The following TMOD3 variants were observed in gnomAD, a reference collection of about 807,000 sequenced individuals.
TMOD3 encodes the protein tropomodulin-3.
TMOD3 carries 20 observed loss-of-function variants against 39.2 expected under a neutral mutation model. That is an observed-to-expected ratio of 0.51 (90% confidence interval 0.36 to 0.74). The LOEUF (loss-of-function observed/expected upper bound fraction) is 0.74. Among genes scored for constraint, TMOD3 ranks in the 30% least tolerant of loss-of-function variants. TMOD3 has a pLI of 0.00. For missense variants in TMOD3, 381 were observed against 412.8 expected (o/e 0.92, Z 0.67); for synonymous variants, 143 against 145.8 (o/e 0.98, Z 0.14).
intron 9 of TMOD3, among the ~76,000 whole-genome samples, chr15:51,907,485 C>G (rs1256343077): frequency 6.6e-6 from 1 of 152,178 alleles, no homozygotes; most frequent in Non-Finnish European, 1.5e-5. Flanking sequence ...ATGGTCTTAT[C>G]TATTAAAGGC....
intron 8 of TMOD3, 74 bp downstream of exon 8, chr15:51,900,372 G>C: frequency 6.5e-7 from 1 of 1,543,750 alleles, no homozygotes; most frequent in Non-Finnish European, 8.8e-7. Context: ...GACTCAGGAT[G>C]GGGATGGGAG....
chr15:51,888,922 G>T (rs2056578878), intron 4 of TMOD3, 134 bp from the exon 5 acceptor site: 1 of 590,218 alleles, frequency 1.7e-6, no homozygotes. Context: ...TAATCATTTT[G>T]TTTTCTGTGT....
rs780124953 is a variant in TMOD3 at position 51,908,778 on chromosome 15, C to A, written c.1027C>A (p.Arg343Ser). The A allele has an allele frequency of 1.9e-6, 3 of 1,605,134 alleles. No homozygotes were observed. ...AGTTTCTTTTATTTTTCTCATAGTG[C>A]GTAAGAGACGAGTTGAAGGAGATCA... ...NAITKNNDLV[R>S]KRRVEGDHQ The change falls in exon 10 of 10, where the codon CGT becomes AGT. Residue 343 changes from arginine to serine, a missense_variant and splice_region_variant. Transcript: ENST00000308580.
chr15:51,864,168 A>C (rs2056433243), intron 2 of TMOD3, among the ~76,000 whole-genome samples: 1 of 148,242 alleles, frequency 6.7e-6, no homozygotes, highest in Admixed American at 6.8e-5. Context: ...TGGGAAGTGG[A>C]GGTATGAGAA....
intron 9 of TMOD3, among the ~76,000 whole-genome samples, chr15:51,904,958 C>T (rs1271338823): frequency 6.6e-6 from 1 of 152,162 alleles, no homozygotes; most frequent in Non-Finnish European, 1.5e-5. Flanking sequence ...CTCTAGACTC[C>T]CAGTTACACT....
rs138256112 is a variant in TMOD3, at chr15:51,874,864, G to A, written c.283+5491G>A. Among the ~76,000 whole-genome samples, 24 of 152,180 alleles carry A rather than the reference G, an allele frequency of 1.6e-4. 1 individual carries two copies. Among genetic ancestry groups the A allele is most frequent in the Admixed American group, 6.5e-4 (10 of 15,272 alleles). On this transcript the variant is annotated intron_variant, in intron 3 of 9. Coordinates refer to ENST00000308580, the MANE Select transcript of TMOD3 (RefSeq NM_014547.5). ...TTCTGTTTGAGCTGCTGACTCACCC[G>A]GTATGGGCTCCTCCCTGCCTTGCAC...
intron 1 of TMOD3, among the ~76,000 whole-genome samples, chr15:51,853,024 A>C (rs1163539692): frequency 6.6e-6 from 1 of 152,192 alleles, no homozygotes; most frequent in Non-Finnish European, 1.5e-5. Flanking sequence ...CTAATCTCTT[A>C]AAAACTGGCA....
intron 3 of TMOD3, among the ~76,000 whole-genome samples, chr15:51,876,169 T>G (rs2056502201): frequency 6.6e-6 from 1 of 152,042 alleles, no homozygotes; most frequent in East Asian, 1.9e-4. Flanking sequence ...TTGTTGTTGT[T>G]GTTGTTGTTG....
rs1385985734 is a variant in TMOD3 at position 51,835,446 on chromosome 15, C to T, written c.-75+5610C>T. Reference sequence around the variant, plus strand: ...GCCTCTCAAGTATTAATAGCTGGGACTACAGGCATGCACCACCATAACTGG... The same window carrying T: ...GCCTCTCAAGTATTAATAGCTGGGATTACAGGCATGCACCACCATAACTGG... On this transcript the variant is annotated intron_variant, in intron 1 of 9. Transcript: ENST00000308580. Among the ~76,000 whole-genome samples the T allele has an allele frequency of 2.0e-5, 3 of 152,104 alleles. No homozygotes were observed. In the East Asian group the frequency reaches 5.8e-4, roughly 29 times the overall value.
At chr15:51,866,462 C>A (rs2056446107) in intron 2 of TMOD3, among the ~76,000 whole-genome samples, 1 of 151,446 alleles carries the variant, frequency 6.6e-6, no homozygotes, top group Non-Finnish European at 1.5e-5. Context: ...TGTCTCCCCC[C>A]TACCCAAAAA....
chr15:51,875,084 A>G (rs2056494971), intron 3 of TMOD3: 1 of 152,114 alleles, frequency 6.6e-6, no homozygotes, highest in Non-Finnish European at 1.5e-5. Context: ...TGTCCAAGTT[A>G]TTTATTCACA....
At chr15:51,858,867 T>C (rs1205877331) in intron 1 of TMOD3, among the ~76,000 whole-genome samples, 1 of 152,172 alleles carries the variant, frequency 6.6e-6, no homozygotes, top group African/African-American at 2.4e-5. Context: ...TTCTCTTTCC[T>C]GGAATTAGAG....
intron 1 of TMOD3, among the ~76,000 whole-genome samples, chr15:51,837,775 C>T (rs1349118311): frequency 6.6e-6 from 1 of 152,144 alleles, no homozygotes; most frequent in Non-Finnish European, 1.5e-5. Context: ...TCACTTCCTG[C>T]TTTCCTTAGA....
intron 9 of TMOD3, among the ~76,000 whole-genome samples, chr15:51,906,818 C>T (rs1015977598): frequency 2.0e-5 from 3 of 151,910 alleles, no homozygotes; most frequent in Non-Finnish European, 2.9e-5. Flanking sequence ...GTCAGGAGTT[C>T]GAGACCAGCC....
rs1452516459 is a variant in TMOD3, at chr15:51,887,602, C to A, written c.297C>A (p.Ile99=). ...TTTATTTTACAGGGAAAATATTTAT[C>A]CCCAAACAGAAACCTGTACAGACTT... ...YTGEKKGKIF[I]PKQKPVQTFT... is the part of the protein sequence containing the mutation. Residue 99 remains isoleucine (I), a synonymous_variant, in exon 4 of 10, where the codon ATC becomes ATA. Transcript: ENST00000308580. 2.5e-6 allele frequency: 4 copies of A among 1,611,346 alleles called. No individual in the cohort carries two copies. Among genetic ancestry groups the A allele is most frequent in the Non-Finnish European group, 3.4e-6 (4 of 1,179,298 alleles).
chr15:51,893,475 A>G (rs1488723329), intron 5 of TMOD3, among the ~76,000 whole-genome samples: 2 of 150,808 alleles, frequency 1.3e-5, no homozygotes, highest in African/African-American at 2.4e-5. Context: ...CTGTAATAGT[A>G]TCAACTCCAG....
rs964898937 is a variant in TMOD3 at position 51,911,189 on chromosome 15, C to G, written c.*2379C>G. 6.6e-6 allele frequency: 1 copy of G among 152,158 alleles called. No homozygotes were observed. The highest frequency in any genetic ancestry group is 1.5e-5 in the Non-Finnish European group (1 of 68,018). The allele number at this position is 152,158 out of a possible 1,614,324, so 9.4% of individuals were successfully genotyped here. A position where few individuals can be genotyped will look rare whatever the true frequency, so the allele number is the denominator to read the frequency against. Reference sequence around the variant, plus strand: ...AGTTGATAAATAGTTCCCCCTTCATCCCTTAAGTTTTGTTTTTGTTTTTGT... The same window carrying G: ...AGTTGATAAATAGTTCCCCCTTCATGCCTTAAGTTTTGTTTTTGTTTTTGT... On this transcript the variant is annotated 3_prime_UTR_variant, in exon 10 of 10. Transcript: ENST00000308580.
chr15:51,839,215 A>G (rs951253253), intron 1 of TMOD3, among the ~76,000 whole-genome samples: 50 of 136,202 alleles, frequency 3.7e-4, no homozygotes, highest in Middle Eastern at 4.4e-3. Flanking sequence ...TCTGTTGCCT[A>G]GGCTGGAGTG....
At chr15:51,854,990 A>G (rs2056380894) in intron 1 of TMOD3, among the ~76,000 whole-genome samples, 1 of 152,228 alleles carries the variant, frequency 6.6e-6, no homozygotes, top group African/African-American at 2.4e-5. Context: ...TGGTAAATGG[A>G]AGAAGACTTG....
Sources: gnomAD v4.1 joint callset for allele counts (sites outside exome capture counted in the v4.1 genomes callset) on GRCh38, gnomAD v4.1.1 for gene constraint, MANE v1.5 for transcripts, NCBI Gene and HGNC (gene_info 2026-07-23, HGNC 2026-07-21) for gene names.